The following PTPRT variants were observed in gnomAD, a reference collection of about 807,000 sequenced individuals.
The protein encoded by PTPRT is protein tyrosine phosphatase receptor type T.
Under a neutral mutation model 176.8 loss-of-function variants are expected in PTPRT, and 56 were observed. The observed-to-expected ratio is 0.32, with a 90% CI of 0.26 to 0.40. PTPRT has a LOEUF of 0.40. Among genes scored for constraint, PTPRT ranks in the 10% least tolerant of loss-of-function variants. PTPRT has a pLI of 1.00. For synonymous variants in PTPRT, 783 were observed against 739.0 expected, an observed-to-expected ratio of 1.06 and a Z score of -0.96; for missense variants, 1,540 against 1,908.2, an observed-to-expected ratio of 0.81 and a Z score of 3.60.
chr20:43,122,305 A>G (rs1193431687), intron 1 of PTPRT, among the ~76,000 whole-genome samples: 1 of 152,196 alleles, frequency 6.6e-6, no homozygotes, highest in Non-Finnish European at 1.5e-5. Context: ...TGATTACTAA[A>G]TGATTCCTAC....
intron 3 of PTPRT, among the ~76,000 whole-genome samples, chr20:42,783,702 G>C (rs1030809746): frequency 6.6e-6 from 1 of 152,186 alleles, no homozygotes; most frequent in African/African-American, 2.4e-5. Context: ...GTGTTCTGAG[G>C]AGAGGGAGAA....
At chr20:42,542,625 T>G (rs985061069) in intron 7 of PTPRT, among the ~76,000 whole-genome samples, 1 of 152,202 alleles carries the variant, frequency 6.6e-6, no homozygotes, top group African/African-American at 2.4e-5. Flanking sequence ...CTATGGAAAT[T>G]ACATCTGCAA....
intron 9 of PTPRT, among the ~76,000 whole-genome samples, chr20:42,441,856 C>T (rs1273456410): frequency 2.0e-5 from 3 of 152,234 alleles, no homozygotes; most frequent in Non-Finnish European, 2.9e-5. Flanking sequence ...TACTCAATAG[C>T]GGCCTGCATT....
At chr20:42,480,272 T>A (rs1429161713) in intron 7 of PTPRT, among the ~76,000 whole-genome samples, 1 of 152,220 alleles carries the variant, frequency 6.6e-6, no homozygotes, top group East Asian at 1.9e-4. Context: ...ATTAAGAAGA[T>A]AATATATTCC....
At chr20:43,002,023 G>C (rs1321462392) in intron 1 of PTPRT, among the ~76,000 whole-genome samples, 2 of 152,156 alleles carry the variant, frequency 1.3e-5, no homozygotes, top group African/African-American at 4.8e-5. Context: ...GGAAGTTATT[G>C]GATTATGGGG....
At chr20:42,764,186 C>T (rs1055008831) in intron 5 of PTPRT, among the ~76,000 whole-genome samples, 3 of 152,022 alleles carry the variant, frequency 2.0e-5, no homozygotes, top group East Asian at 1.9e-4. Flanking sequence ...ATAAGGCCTG[C>T]GATGCACCCT....
At chr20:42,357,060 C>G (rs1204566435) in intron 9 of PTPRT, among the ~76,000 whole-genome samples, 2 of 152,208 alleles carry the variant, frequency 1.3e-5, no homozygotes, top group African/African-American at 4.8e-5. Flanking sequence ...TCACCTGTCT[C>G]TCTTTTGAGC....
chr20:42,542,487 C>T (rs779355028), intron 7 of PTPRT, among the ~76,000 whole-genome samples: 1 of 152,076 alleles, frequency 6.6e-6, no homozygotes, highest in Non-Finnish European at 1.5e-5. Context: ...CAATTTTTCA[C>T]ATTTTAGACA....
At chr20:42,771,628 A>G in intron 4 of PTPRT, 78 bp from the exon 5 acceptor site, 2 of 1,195,900 alleles carry the variant, frequency 1.7e-6, no homozygotes, top group Admixed American at 3.4e-5. Context: ...ATGGCAGCTC[A>G]GGATGGGCAC....
intron 9 of PTPRT, among the ~76,000 whole-genome samples, chr20:42,359,184 C>T (rs1480083774): frequency 6.6e-6 from 1 of 152,204 alleles, no homozygotes; most frequent in African/African-American, 2.4e-5. Flanking sequence ...CTCATGCACA[C>T]TGAGTTTGGA....
At chr20:43,074,225 T>C (rs961859550) in intron 1 of PTPRT, among the ~76,000 whole-genome samples, 1 of 152,232 alleles carries the variant, frequency 6.6e-6, no homozygotes, top group Non-Finnish European at 1.5e-5. Flanking sequence ...ACTTAACCAA[T>C]TCTTTTAATA....
intron 2 of PTPRT, among the ~76,000 whole-genome samples, chr20:42,883,696 TCCCATACACC>T (rs2079044598): frequency 1.8e-5 from 1 of 56,568 alleles, no homozygotes; most frequent in African/African-American, 8.5e-5. Context: ...CACACACACC[TCCCATACACC>T]CCCATACACA....
chr20:42,490,008 C>A (rs1354679304), intron 7 of PTPRT, among the ~76,000 whole-genome samples: 1 of 152,204 alleles, frequency 6.6e-6, no homozygotes, highest in African/African-American at 2.4e-5. Flanking sequence ...ACTATTCAGT[C>A]CAGTTGATCT....
chr20:42,725,499 G>C (rs2076366134), intron 6 of PTPRT, among the ~76,000 whole-genome samples: 1 of 151,964 alleles, frequency 6.6e-6, no homozygotes, highest in South Asian at 2.1e-4. Context: ...GAAAAGTGAG[G>C]TTCAGAGAAG....
At chr20:42,261,287 C>A (rs1021172457) in intron 13 of PTPRT, among the ~76,000 whole-genome samples, 1 of 152,108 alleles carries the variant, frequency 6.6e-6, no homozygotes, top group Non-Finnish European at 1.5e-5. Flanking sequence ...ATGACTTTCT[C>A]CCTATGAGTC....
intron 15 of PTPRT, among the ~76,000 whole-genome samples, chr20:42,235,511 C>T (rs115008926): frequency 0.013 from 1,931 of 152,142 alleles, 44 homozygotes; most frequent in African/African-American, 0.044. Flanking sequence ...TCTGCCCTCT[C>T]GGCCTCCAAA....
At chr20:42,829,317 T>C in intron 2 of PTPRT, among the ~76,000 whole-genome samples, 1 of 152,202 alleles carries the variant, frequency 6.6e-6, no homozygotes, top group East Asian at 1.9e-4. Flanking sequence ...AGTAACTAAT[T>C]TACTTTTGAT....
chr20:42,429,132 C>A (rs1179204214), intron 9 of PTPRT, among the ~76,000 whole-genome samples: 1 of 152,174 alleles, frequency 6.6e-6, no homozygotes, highest in East Asian at 1.9e-4. Context: ...AGGCAAGTAA[C>A]TTCCTTCTTC....
chr20:42,690,196 A>G (rs906518471), intron 6 of PTPRT, among the ~76,000 whole-genome samples: 1 of 152,116 alleles, frequency 6.6e-6, no homozygotes, highest in Admixed American at 6.6e-5. Flanking sequence ...CAAAAAGGCA[A>G]TCAGAGAGGT....
Sources: gnomAD v4.1 joint callset for allele counts (sites outside exome capture counted in the v4.1 genomes callset) on GRCh38, gnomAD v4.1.1 for gene constraint, MANE v1.5 for transcripts, NCBI Gene and HGNC (gene_info 2026-07-23, HGNC 2026-07-21) for gene names.